The following RNF135 variants were observed in gnomAD, a reference collection of about 807,000 sequenced individuals.
The protein encoded by RNF135 is ring finger protein 135, also known as E3 ubiquitin-protein ligase RNF135.
In RNF135, 46 loss-of-function variants were observed where a neutral mutation model predicts 41.9. The observed-to-expected ratio is 1.10, with a 90% CI of 0.87 to 1.40. The LOEUF (loss-of-function observed/expected upper bound fraction) is 1.40, where lower values mean the gene tolerates loss of function less well. Ranked by LOEUF, RNF135 falls within the 40% of genes most tolerant of loss-of-function variation. The pLI is 0.00. For missense variants in RNF135, 539 were observed against 549.8 expected (o/e 0.98, Z 0.20); for synonymous variants, 238 against 223.8 (o/e 1.06, Z -0.57).
At chr17:30,971,712 C>G (rs1268424776) in intron 1 of RNF135, 1 of 1,316,618 alleles carries the variant, frequency 7.6e-7, no homozygotes, top group Admixed American at 4.1e-5. Flanking sequence ...CCCAATCGAT[C>G]TTCGGTCTCT....
At chr17:30,976,681 T>G (rs896229423) in intron 1 of RNF135, among the ~76,000 whole-genome samples, 4 of 152,250 alleles carry the variant, frequency 2.6e-5, no homozygotes, top group Non-Finnish European at 5.9e-5. Context: ...CTTACTGAAT[T>G]GACTCCATCA....
chr17:30,971,052 G>C lies in RNF135; in HGVS notation c.-22G>C. 1.3e-6 allele frequency: 2 copies of C among 1,529,550 alleles called. No individual in the cohort carries two copies. 94.7% of individuals were successfully genotyped at this position (1,529,550 alleles called of 1,614,324 possible). A position where few individuals can be genotyped will look rare whatever the true frequency, so the allele number is the denominator to read the frequency against. Reference sequence around the variant, plus strand: ...CTCGCCCGGCTCAACCCCGACGTCCGCGCCCCGGCCGCCTGTTGGCCATGG... The same window carrying C: ...CTCGCCCGGCTCAACCCCGACGTCCCCGCCCCGGCCGCCTGTTGGCCATGG... On this transcript the variant is annotated 5_prime_UTR_variant, in exon 1 of 5. Coordinates refer to ENST00000328381, the MANE Select transcript of RNF135 (RefSeq NM_032322.4).
At position 30,998,712 on chromosome 17, in the gene RNF135, G is replaced by A; in HGVS notation, c.820G>A (p.Val274Met). 6.2e-7 allele frequency: 1 copy of A among 1,613,850 alleles called. No individual in the cohort carries two copies. The highest frequency in any genetic ancestry group is 8.5e-7 in the Non-Finnish European group (1 of 1,179,968). Residue 274 changes from valine to methionine, a missense_variant, in exon 5 of 5, where the codon GTG (valine) becomes ATG (methionine). Transcript: ENST00000328381. ...GAAGAGCCTTTCCTGCAGCCTGGAG[G>A]TGTCCAAGGATTCCCGTACAGTGAC... ...NLKSLSCSLE[V>M]SKDSRTVTVS...
chr17:30,982,995 A>G (rs1362119460), intron 1 of RNF135, among the ~76,000 whole-genome samples: 4 of 152,088 alleles, frequency 2.6e-5, no homozygotes, highest in Non-Finnish European at 5.9e-5. Context: ...AATACCTCAT[A>G]TAAGTTGAAT....
chr17:30,962,699 C>G, the RNF135 span, among the ~76,000 whole-genome samples: 774 of 152,060 alleles, frequency 5.1e-3, 11 homozygotes, highest in African/African-American at 0.018. Flanking sequence ...CTCCAGAATT[C>G]GTGATCTGCC....
At chr17:30,973,854 A>G (rs1235115035) in intron 1 of RNF135, among the ~76,000 whole-genome samples, 1 of 152,170 alleles carries the variant, frequency 6.6e-6, no homozygotes, top group East Asian at 1.9e-4. Flanking sequence ...TAGGGGTCCA[A>G]CTTCATTCTT....
intron 1 of RNF135, among the ~76,000 whole-genome samples, chr17:30,984,113 TA>T (rs1043826291): frequency 1.3e-5 from 2 of 152,228 alleles, no homozygotes; most frequent in Non-Finnish European, 2.9e-5. Flanking sequence ...CTTTTTACTC[TA>T]TTGTTCGTGT....
At chr17:30,989,826 C>G (rs1367941931) in intron 3 of RNF135, among the ~76,000 whole-genome samples, 2 of 151,648 alleles carry the variant, frequency 1.3e-5, no homozygotes, top group Non-Finnish European at 2.9e-5. Flanking sequence ...CTGGCGAAAC[C>G]CTGTCTCTAT....
At chr17:30,994,156 T>G (rs1281766869) in intron 3 of RNF135, among the ~76,000 whole-genome samples, 1 of 152,196 alleles carries the variant, frequency 6.6e-6, no homozygotes, top group Non-Finnish European at 1.5e-5. Flanking sequence ...ATCAGCAAAA[T>G]AGGAGAACAG....
At chr17:30,975,557 A>G (rs58401536) in intron 1 of RNF135, 2 of 786,100 alleles carry the variant, frequency 2.5e-6, no homozygotes, top group Non-Finnish European at 4.7e-6. Context: ...CATACACCCA[A>G]CAATACTCCA....
Position 30,971,098 on chromosome 17 carries a change from G to A in RNF135, c.25G>A (p.Ala9Thr). Residue 9 changes from alanine to threonine, a missense_variant, in exon 1 of 5, where the codon GCC (alanine) becomes ACC (threonine). This residue lies in a region of RNF135 where 277 missense variants were observed against 212.8 expected (regional missense o/e 1.30). Coordinates refer to ENST00000328381, the MANE Select transcript of RNF135 (RefSeq NM_032322.4). The stretch of plus-strand genomic sequence containing the variant: ...CATGGCGGGCCTGGGCCTGGGCTCC[G>A]CCGTTCCCGTGTGGCTGGCCGAGGA... MAGLGLGS[A>T]VPVWLAEDDL... The A allele has an allele frequency of 6.5e-7, 1 of 1,534,330 alleles. No individual in the cohort carries two copies. The highest frequency in any genetic ancestry group is 8.7e-7 in the Non-Finnish European group (1 of 1,146,120).
At chr17:30,971,770 C>T (rs1905977117) in intron 1 of RNF135, 2 of 1,137,642 alleles carry the variant, frequency 1.8e-6, no homozygotes, top group Non-Finnish European at 2.2e-6. Flanking sequence ...AACATTAAAA[C>T]TGGCCATTTT....
At chr17:30,979,862 A>C (rs1222639598) in intron 1 of RNF135, among the ~76,000 whole-genome samples, 106 of 58,724 alleles carry the variant, frequency 1.8e-3, no homozygotes, top group South Asian at 3.3e-3. Context: ...GGGGGGGCTG[A>C]CCCCCCCACC....
rs56955275 is a variant in RNF135 at position 30,988,416 on chromosome 17, ATTTTTTTTTT to A, written c.679+330_679+339del. Among the ~76,000 whole-genome samples the A allele has an allele frequency of 9.8e-4, 80 of 81,894 alleles. 1 individual carries two copies. Among genetic ancestry groups the A allele is most frequent in the African/African-American group, 1.8e-3 (35 of 19,796 alleles). The allele number at this position is 81,894 out of a possible 152,430, so 53.7% of individuals were successfully genotyped here. A position where few individuals can be genotyped will look rare whatever the true frequency, so the allele number is the denominator to read the frequency against. ...GAGATTCTGAAATAGGCCACTTTTA[ATTTTTTTTTT>A]TTTTTTTTTTTTTTTTTTTGTGATG... On this transcript the variant is annotated intron_variant, in intron 3 of 4. Transcript: ENST00000328381.
chr17:30,974,591 T>C (rs1598077938), intron 1 of RNF135, among the ~76,000 whole-genome samples: 1 of 137,512 alleles, frequency 7.3e-6, no homozygotes, highest in Non-Finnish European at 1.5e-5. Context: ...CCTTCAGTGA[T>C]TTTTTTTTTT....
At chr17:30,982,915 C>A (rs1026193783) in intron 1 of RNF135, among the ~76,000 whole-genome samples, 2 of 152,142 alleles carry the variant, frequency 1.3e-5, no homozygotes, top group Non-Finnish European at 2.9e-5. Flanking sequence ...CATTAAAATT[C>A]TCCATTTCCT....
At chr17:30,997,094 C>T in intron 3 of RNF135, 148 bp from the exon 4 acceptor site, 1 of 675,894 alleles carries the variant, frequency 1.5e-6, no homozygotes, top group Non-Finnish European at 2.7e-6. Context: ...TGCAGGCACA[C>T]TGCCTCTGCC....
intron 3 of RNF135, among the ~76,000 whole-genome samples, chr17:30,996,959 C>T (rs1307759459): frequency 3.3e-5 from 5 of 152,150 alleles, no homozygotes; most frequent in Admixed American, 1.3e-4. Context: ...ATCTATGGGA[C>T]TGGCATGGGG....
At chr17:30,976,004 AT>A (rs1479488442) in intron 1 of RNF135, 13 of 340,454 alleles carry the variant, frequency 3.8e-5, no homozygotes, top group East Asian at 1.1e-4. Context: ...TACTAAAAAA[AT>A]TTTTTTTGTT....
Sources: allele counts gnomAD v4.1 joint callset (sites outside exome capture counted in the v4.1 genomes callset), GRCh38; gene constraint gnomAD v4.1.1; regional missense constraint gnomAD v4.1.1; transcripts MANE v1.5; gene names NCBI Gene and HGNC (gene_info 2026-07-23, HGNC 2026-07-21).